Variants in KMT2D observed in about 807,000 individuals in gnomAD.
KMT2D encodes lysine methyltransferase 2D.
A neutral mutation model predicts 512.7 loss-of-function variants in KMT2D; 55 were observed. The ratio of observed to expected loss-of-function variants is 0.11; its 90% CI spans 0.09 to 0.13. The LOEUF (loss-of-function observed/expected upper bound fraction) is 0.13, where lower values mean the gene tolerates loss of function less well. KMT2D is among the 10% of genes least tolerant of loss of function. The probability of loss-of-function intolerance (pLI) is 1.00; values close to 1 mark genes in which losing one functional copy is unlikely to be tolerated. For missense variants in KMT2D, 6,061 were observed against 7,127.9 expected, an observed-to-expected ratio of 0.85 and a Z score of 5.39; for synonymous variants, 2,995 against 2,904.0, an observed-to-expected ratio of 1.03 and a Z score of -1.01.
rs1275488821 is a variant in KMT2D at position 49,054,400 on chromosome 12, G to A, written c.417C>T (p.His139=). Residue 139 remains histidine, a synonymous_variant, in exon 5 of 55, where the codon CAC becomes CAT. Coordinates refer to ENST00000301067, the MANE Select transcript of KMT2D (RefSeq NM_003482.4). This position sits in a 1 kb window ranked among gnomAD's most constrained non-coding sequence, Gnocchi z 6.4. ...CTGCCGACCATGCAGCACACCAATG[G>A]TGAGCCCAGCAGGACCCTTTACAGG... ...LGEPGGSCWA[H]HWCAAWSAGV... is the part of the protein sequence containing the mutation. 3 of 1,589,366 alleles carry A rather than the reference G, an allele frequency of 1.9e-6. No individual in the cohort carries two copies. The highest frequency in any genetic ancestry group is 1.8e-5 in the Admixed American group (1 of 55,840).
rs987721116 is a variant in KMT2D, at chr12:49,038,751, G to C, written c.8605C>G (p.Pro2869Ala). Residue 2869 changes from proline to alanine, a missense_variant, in exon 35 of 55, where the codon CCT becomes GCT. Transcript: ENST00000301067. This position sits in a 1 kb window ranked among gnomAD's most constrained non-coding sequence, Gnocchi z 5.7. ...AACTGGGCAGGACCAGCTGGACCAG[G>C]CACTGGCTCACCAGGGCCTGGCAGA... ...TRLPGPGEPV[P>A]GPAGPAQFIE... is the part of the protein sequence containing the mutation. The C allele has an allele frequency of 6.2e-7, 1 of 1,606,034 alleles. No homozygotes were observed. The highest frequency in any genetic ancestry group is 8.5e-7 in the Non-Finnish European group (1 of 1,176,486).
In KMT2D at chr12:49,038,111, C is replaced by A; in HGVS notation, c.9245G>T (p.Arg3082Leu). Reference sequence around the variant, plus strand: ...CTCCACCCCCCGCAGCAGGGCCTCCCGTTCAGCCTTCTCATTAGCCGATTC... The same window carrying A: ...CTCCACCCCCCGCAGCAGGGCCTCCAGTTCAGCCTTCTCATTAGCCGATTC... ...LVESANEKAEREALLRGVEPG... is the reference protein window; with the variant it reads ...LVESANEKAELEALLRGVEPG... Residue 3082 changes from arginine (R) to leucine (L), a missense_variant, in exon 35 of 55, where the codon CGG (arginine) becomes CTG (leucine). Physicochemically the swap from Arg to Leu is moderately radical, Grantham distance 102. Transcript: ENST00000301067. This position sits in a 1 kb window ranked among gnomAD's most constrained non-coding sequence, Gnocchi z 5.7. 1 of 1,613,940 alleles carries A rather than the reference C, an allele frequency of 6.2e-7. No individual in the cohort carries two copies. Among genetic ancestry groups the A allele is most frequent in the Non-Finnish European group, 8.5e-7 (1 of 1,179,894 alleles).
In KMT2D at chr12:49,034,669, G is replaced by A. The variant is rs751309157; in HGVS notation, c.10356-3C>T. 1 of 1,612,800 alleles carries A rather than the reference G, an allele frequency of 6.2e-7. No individual in the cohort carries two copies. Among genetic ancestry groups the A allele is most frequent in the Admixed American group, 1.7e-5 (1 of 59,870 alleles). Reference sequence around the variant, plus strand: ...GGGCTAGCAGAGACACTTGCTGTCTGGAGTCCACCAAAGCACAGAAGATAA... The same window carrying A: ...GGGCTAGCAGAGACACTTGCTGTCTAGAGTCCACCAAAGCACAGAAGATAA... On this transcript the variant is annotated splice_region_variant and splice_polypyrimidine_tract_variant and intron_variant, in intron 36 of 54. Transcript: ENST00000301067.
At position 49,026,811 on chromosome 12, in the gene KMT2D, A is replaced by C; in HGVS notation, c.15155T>G (p.Leu5052Arg). The C allele has an allele frequency of 6.2e-7, 1 of 1,613,044 alleles. No individual in the cohort carries two copies. Among genetic ancestry groups the C allele is most frequent in the Non-Finnish European group, 8.5e-7 (1 of 1,179,068 alleles). ...GAGGTGCACCCACAGGTCCAGGTCC[A>C]GGTTCAGCAGACGGGCAGGCCCATC... is the stretch of plus-strand genomic sequence containing the variant. The part of the protein sequence containing the change: ...ATDGPARLLN[L>R]DLDLWVHLNC... Residue 5052 changes from leucine to arginine, a missense_variant, in exon 49 of 55, where the codon CTG becomes CGG. By Grantham distance (102) the Leu-to-Arg change is moderately radical. Around this residue, in one of 16 missense-constraint regions of KMT2D, gnomAD observed 14 missense variants for 53.4 expected, o/e 0.26. Transcript: ENST00000301067. This position sits in a 1 kb window ranked among gnomAD's most constrained non-coding sequence, Gnocchi z 9.6.
Position 49,042,494 on chromosome 12 carries a change from A to C in KMT2D, c.5867+67T>G, listed in dbSNP as rs1014810338. On this transcript the variant is annotated intron_variant, in intron 28 of 54. Transcript: ENST00000301067. The surrounding 1 kb of genome is among the most constrained non-coding windows in gnomAD (Gnocchi z 4.4). ...TGCTGCAGGAGTCCGAGGGAGGCAA[A>C]GCATGAACTCAGATGGAGGGAAAGG... 10 of 1,564,256 alleles carry C rather than the reference A, an allele frequency of 6.4e-6. No homozygotes were observed. In the African/African-American group the frequency reaches 8.1e-5, roughly 13 times the overall value.
Position 49,046,208 on chromosome 12 carries a change from G to A in KMT2D, c.4584-34C>T. The A allele has an allele frequency of 1.2e-6, 2 of 1,612,874 alleles. No homozygotes were observed. Among genetic ancestry groups the A allele is most frequent in the African/African-American group, 1.3e-5 (1 of 75,032 alleles). ...CAGAGACTGGAGGAAATAAGCTCAG[G>A]CAATGCGAGGCTGGCAACAGGGCCA... On this transcript the variant is annotated intron_variant, in intron 17 of 54. Transcript: ENST00000301067. This position sits in a 1 kb window ranked among gnomAD's most constrained non-coding sequence, Gnocchi z 4.2.
At position 49,024,781 on chromosome 12, in the gene KMT2D, A is replaced by AG; in HGVS notation, c.15921+28dup. The AG allele has an allele frequency of 6.2e-7, 1 of 1,609,064 alleles. No homozygotes were observed. Among genetic ancestry groups the AG allele is most frequent in the East Asian group, 2.2e-5 (1 of 44,738 alleles). On this transcript the variant is annotated intron_variant, in intron 50 of 54. Coordinates refer to ENST00000301067, the MANE Select transcript of KMT2D (RefSeq NM_003482.4). This position sits in a 1 kb window ranked among gnomAD's most constrained non-coding sequence, Gnocchi z 4.5. ...AGGCCAAAGTTCTCAGTGCCCGCCA[A>AG]GCCCCCCAGCTCCCAGCCCCTTCCT...
rs777614716 is a variant in KMT2D at position 49,032,837 on chromosome 12, T to C, written c.11868A>G (p.Gln3956=). Residue 3956 remains glutamine (Q), a synonymous_variant, in exon 40 of 55, where the codon CAA becomes CAG. Coordinates refer to ENST00000301067, the MANE Select transcript of KMT2D (RefSeq NM_003482.4). ...GCTGCTGTTGTTGTTGCTGTTGCTGTTGTAGCTGCTGTTGCTGCTGTTGAA... is the reference window on the plus strand; with the variant it reads ...GCTGCTGTTGTTGTTGCTGTTGCTGCTGTAGCTGCTGTTGCTGCTGTTGAA... The part of the protein sequence containing the change: ...QQLQQQQQQL[Q]QQQQQQQQQF... 3.2e-6 allele frequency: 5 copies of C among 1,550,494 alleles called. No homozygotes were observed. The highest frequency in any genetic ancestry group is 4.9e-5 in the East Asian group (2 of 40,914).
At position 49,043,419 on chromosome 12, in the gene KMT2D, C is replaced by T; in HGVS notation, c.5477G>A (p.Gly1826Asp). 6.2e-7 allele frequency: 1 copy of T among 1,613,922 alleles called. No homozygotes were observed. The highest frequency in any genetic ancestry group is 1.1e-5 in the South Asian group (1 of 91,084). Residue 1826 changes from glycine to aspartate, a missense_variant, in exon 25 of 55, where the codon GGT becomes GAT. Physicochemically the swap from Gly to Asp is moderately conservative, Grantham distance 94 (BLOSUM62 -1). Coordinates refer to ENST00000301067, the MANE Select transcript of KMT2D (RefSeq NM_003482.4). Reference sequence around the variant, plus strand: ...GGATTCTTCATCTGCAATATCTGGACCATCATCTCCTATGAGCAAGAGTCC... The same window carrying T: ...GGATTCTTCATCTGCAATATCTGGATCATCATCTCCTATGAGCAAGAGTCC... ...ELPTSQKGDD[G>D]PDIADEESRG...
rs1448775998 is a variant in KMT2D at position 49,031,386 on chromosome 12, A to G, written c.13319T>C (p.Ile4440Thr). Residue 4440 changes from isoleucine to threonine, a missense_variant, in exon 40 of 55, where the codon ATA becomes ACA. Physicochemically the swap from Ile to Thr is moderately conservative, Grantham distance 89. Coordinates refer to ENST00000301067, the MANE Select transcript of KMT2D (RefSeq NM_003482.4). ...GTGGTTGCTGGTTCCTGGTGCCCCT[A>G]TTGGCTCCCCATTGGCCTCCCTCTT... ...SVKREANGEP[I>T]GAPGTSNHLL... 1 of 1,613,416 alleles carries G rather than the reference A, an allele frequency of 6.2e-7. No homozygotes were observed. The highest frequency in any genetic ancestry group is 1.3e-5 in the African/African-American group (1 of 74,900).
chr12:49,058,809 G>A (rs1021240982), intron 1 of KMT2D, among the ~76,000 whole-genome samples: 1 of 152,176 alleles, frequency 6.6e-6, no homozygotes, highest in African/African-American at 2.4e-5. Flanking sequence ...TACCAGGCCG[G>A]GAGAAGGCAA....
In KMT2D at chr12:49,043,746, G is replaced by A. The variant is rs748874305; in HGVS notation, c.5356C>T (p.Arg1786Cys). 1.3e-5 allele frequency: 21 copies of A among 1,613,460 alleles called. No homozygotes were observed. Among genetic ancestry groups the A allele is most frequent in the Non-Finnish European group, 1.4e-5 (16 of 1,179,636 alleles). The stretch of plus-strand genomic sequence containing the variant: ...ACCCCAACTGCAAAAAGGGCCTTAC[G>A]GCTCAGGTCCAGCAGCTCCTTCCCA... The part of the protein sequence containing the change: ...FFGKELLDLS[R>C]KALFAVGVGR... Residue 1786 changes from arginine to cysteine, a missense_variant, in exon 24 of 55, where the codon CGT (arginine) becomes TGT (cysteine). Physicochemically the swap from Arg to Cys is radical, Grantham distance 180. Around this residue, in one of 16 missense-constraint regions of KMT2D, gnomAD observed 640 missense variants for 814.3 expected, o/e 0.79. Coordinates refer to ENST00000301067, the MANE Select transcript of KMT2D (RefSeq NM_003482.4).
At position 49,054,297 on chromosome 12, in the gene KMT2D, C is replaced by A. The variant is rs1350888818; in HGVS notation, c.510+10G>T. On this transcript the variant is annotated intron_variant, in intron 5 of 54. Coordinates refer to ENST00000301067, the MANE Select transcript of KMT2D (RefSeq NM_003482.4). This position sits in a 1 kb window ranked among gnomAD's most constrained non-coding sequence, Gnocchi z 6.4. ...CCCTTCACCTATGCAATCCCCTGGCCCAGCCCCACCTGTGAGATCCCTGAG... is the reference window on the plus strand; with the variant it reads ...CCCTTCACCTATGCAATCCCCTGGCACAGCCCCACCTGTGAGATCCCTGAG... 1 of 1,578,060 alleles carries A rather than the reference C, an allele frequency of 6.3e-7. No individual in the cohort carries two copies.
Position 49,051,564 on chromosome 12 carries a change from C to T in KMT2D, c.2119G>A (p.Ala707Thr), listed in dbSNP as rs1469663249. 1.2e-6 allele frequency: 2 copies of T among 1,604,278 alleles called. No homozygotes were observed. The highest frequency in any genetic ancestry group is 1.4e-5 in the African/African-American group (1 of 73,692). The change falls in exon 11 of 55, where the codon GCT (alanine) becomes ACT (threonine). Residue 707 changes from alanine (A) to threonine (T), a missense_variant. Around this residue, in one of 16 missense-constraint regions of KMT2D, gnomAD observed 848 missense variants for 838.5 expected, o/e 1.01. Transcript: ENST00000301067. ...AGCGAGTCCTCCGGTGGTGGGGAAGCAGGTGAGTCCTCAGGTGGTGGGGAT... is the reference window on the plus strand; with the variant it reads ...AGCGAGTCCTCCGGTGGTGGGGAAGTAGGTGAGTCCTCAGGTGGTGGGGAT... ...PTSPPPEDSP[A>T]SPPPEDSLMS...
Position 49,054,140 on chromosome 12 carries a change from G to A in KMT2D, c.511C>T (p.Arg171Cys), listed in dbSNP as rs770105193. 24 of 1,597,720 alleles carry A rather than the reference G, an allele frequency of 1.5e-5. No individual in the cohort carries two copies. The highest frequency in any genetic ancestry group is 2.0e-5 in the Non-Finnish European group (23 of 1,171,328). The change falls in exon 6 of 55, where the codon CGC becomes TGC. Residue 171 changes from arginine to cysteine, a missense_variant and splice_region_variant. Arg to Cys is a radical substitution (Grantham distance 180). Around this residue, in one of 16 missense-constraint regions of KMT2D, gnomAD observed 160 missense variants for 225.8 expected, o/e 0.71. Transcript: ENST00000301067. The surrounding 1 kb of genome is among the most constrained non-coding windows in gnomAD (Gnocchi z 6.4). ...CCGAGCCTGGTGCAGTGGGAGCAGC[G>A]CTGCCAGGGTGAAAAAAGAGCCTCA... is the stretch of plus-strand genomic sequence containing the variant. ...DKAIFSGISQRCSHCTRLGAS... is the reference protein window; with the variant it reads ...DKAIFSGISQCCSHCTRLGAS...
Position 49,022,899 on chromosome 12 carries a change from C to T in KMT2D, c.16053-24G>A, listed in dbSNP as rs746741289. On this transcript the variant is annotated intron_variant, in intron 51 of 54. Coordinates refer to ENST00000301067, the MANE Select transcript of KMT2D (RefSeq NM_003482.4). This position sits in a 1 kb window ranked among gnomAD's most constrained non-coding sequence, Gnocchi z 8.6. The stretch of plus-strand genomic sequence containing the variant: ...GCCTGGGAGGTGATATAATCCATGA[C>T]AAGACAGCTCTCCCTCAGACCAAGT... The T allele has an allele frequency of 6.4e-7, 1 of 1,551,612 alleles. No homozygotes were observed. The highest frequency in any genetic ancestry group is 8.7e-7 in the Non-Finnish European group (1 of 1,145,362).
chr12:49,027,849 C>A lies in KMT2D; in HGVS notation c.14597G>T (p.Gly4866Val), dbSNP rs2120376469. 6.2e-7 allele frequency: 1 copy of A among 1,602,872 alleles called. No individual in the cohort carries two copies. The highest frequency in any genetic ancestry group is 1.3e-5 in the African/African-American group (1 of 74,736). The change falls in exon 48 of 55, where the codon GGC becomes GTC. Residue 4866 changes from glycine (G) to valine (V), a missense_variant. By Grantham distance (109) the Gly-to-Val change is moderately radical. Transcript: ENST00000301067. ...WLKQFDAVLPGYTLKSQLDIL... is the reference protein window; with the variant it reads ...WLKQFDAVLPVYTLKSQLDIL... Reference sequence around the variant, plus strand: ...GTCTAGTTGGCTCTTCAGGGTATAGCCAGGCAACACTGCATCAAACTGCTT... The same window carrying A: ...GTCTAGTTGGCTCTTCAGGGTATAGACAGGCAACACTGCATCAAACTGCTT...
intron 43 of KMT2D, 139 bp downstream of exon 43, chr12:49,030,141 C>T (rs1942823981): frequency 1.5e-6 from 1 of 675,656 alleles, no homozygotes; most frequent in African/African-American, 1.8e-5. Flanking sequence ...CTGAAAGGGC[C>T]CTTCCTACCT....
Position 49,041,958 on chromosome 12 carries a change from G to A in KMT2D, c.6142C>T (p.Leu2048Phe), listed in dbSNP as rs757646791. Residue 2048 changes from leucine to phenylalanine, a missense_variant, in exon 30 of 55, where the codon CTC becomes TTC. Around this residue, in one of 16 missense-constraint regions of KMT2D, gnomAD observed 640 missense variants for 814.3 expected, o/e 0.79. Coordinates refer to ENST00000301067, the MANE Select transcript of KMT2D (RefSeq NM_003482.4). This position sits in a 1 kb window ranked among gnomAD's most constrained non-coding sequence, Gnocchi z 5.4. ...TCAGCTGCTGGAACCTTTCTCCAGA[G>A]CTTCATGATTTGTTTGCAACGGCTT... The part of the protein sequence containing the change: ...WSSRCKQIMK[L>F]WRKVPAADKA... The A allele has an allele frequency of 2.5e-6, 4 of 1,611,396 alleles. No individual in the cohort carries two copies. In the South Asian group the frequency reaches 4.4e-5, roughly 18 times the overall value.
Sources: allele counts gnomAD v4.1 joint callset (sites outside exome capture counted in the v4.1 genomes callset), GRCh38; gene constraint gnomAD v4.1.1; regional missense constraint gnomAD v4.1.1; non-coding constraint Gnocchi (gnomAD v3.1); transcripts MANE v1.5; gene names NCBI Gene and HGNC (gene_info 2026-07-23, HGNC 2026-07-21).